CEP112: variants seen among roughly 807,000 people sequenced by gnomAD.
CEP112 encodes centrosomal protein of 112 kDa.
Under a neutral mutation model 153.0 loss-of-function variants are expected in CEP112, and 127 were observed. The ratio of observed to expected loss-of-function variants is 0.83; its 90% CI spans 0.72 to 0.96. The LOEUF (loss-of-function observed/expected upper bound fraction) is 0.96. Ranked by LOEUF, CEP112 falls within the 40% of genes least tolerant of loss-of-function variation. The pLI, the probability that CEP112 is intolerant of heterozygous loss-of-function variation, is 0.00. For synonymous variants in CEP112, 358 were observed against 374.4 expected, an observed-to-expected ratio of 0.96 and a Z score of 0.51; for missense variants, 1,089 against 1,101.2, an observed-to-expected ratio of 0.99 and a Z score of 0.16.
At chr17:65,835,997 G>C (rs991606249) in intron 21 of CEP112, among the ~76,000 whole-genome samples, 1 of 152,146 alleles carries the variant, frequency 6.6e-6, no homozygotes, top group African/African-American at 2.4e-5. Context: ...TTAAAGTGCA[G>C]TTTTTTTCTT....
chr17:66,184,080 C>G (rs922011492), intron 1 of CEP112, among the ~76,000 whole-genome samples: 4 of 151,814 alleles, frequency 2.6e-5, no homozygotes, highest in Non-Finnish European at 4.4e-5. Context: ...GAGACCCCAT[C>G]TCTACAAAAC....
chr17:66,014,497 C>T (rs752999188), intron 16 of CEP112, among the ~76,000 whole-genome samples: 9 of 152,294 alleles, frequency 5.9e-5, no homozygotes, highest in East Asian at 1.9e-4. Context: ...TGGGCATCCC[C>T]GGCCATGCCC....
chr17:66,018,705 T>C (rs1208432312), intron 16 of CEP112, among the ~76,000 whole-genome samples: 1 of 152,216 alleles, frequency 6.6e-6, no homozygotes, highest in East Asian at 1.9e-4. Flanking sequence ...AAAGCGTGCA[T>C]GATTGCTAGG....
At chr17:65,954,755 G>A (rs2061949014) in intron 18 of CEP112, among the ~76,000 whole-genome samples, 2 of 151,920 alleles carry the variant, frequency 1.3e-5, no homozygotes, top group Non-Finnish European at 2.9e-5. Flanking sequence ...ACAAGCAGAA[G>A]AAAGAACCTC....
chr17:65,701,200 A>T (rs564108826), intron 23 of CEP112, among the ~76,000 whole-genome samples: 19 of 152,304 alleles, frequency 1.2e-4, no homozygotes, highest in African/African-American at 4.3e-4. Flanking sequence ...CCGGGATGGC[A>T]GCAGAGCCAC....
intron 23 of CEP112, among the ~76,000 whole-genome samples, chr17:65,699,709 C>A (rs1309417133): frequency 6.6e-6 from 1 of 152,072 alleles, no homozygotes; most frequent in African/African-American, 2.4e-5. Flanking sequence ...CACCCTATAG[C>A]CTGGAACTCC....
intron 16 of CEP112, among the ~76,000 whole-genome samples, chr17:66,011,517 T>C (rs1337057196): frequency 6.6e-6 from 1 of 152,182 alleles, no homozygotes; most frequent in Non-Finnish European, 1.5e-5. Context: ...TTCCATGTAA[T>C]TATATGGCTG....
intron 20 of CEP112, among the ~76,000 whole-genome samples, chr17:65,889,683 T>C (rs1424084006): frequency 6.6e-6 from 1 of 152,164 alleles, no homozygotes; most frequent in Non-Finnish European, 1.5e-5. Flanking sequence ...TTATTTTCAA[T>C]AGAGATGGAG....
At chr17:66,030,503 T>C (rs2065418729) in intron 12 of CEP112, among the ~76,000 whole-genome samples, 1 of 152,216 alleles carries the variant, frequency 6.6e-6, no homozygotes. Flanking sequence ...GGTGTTCACA[T>C]AAGTGATACA....
At position 65,821,493 on chromosome 17, in the gene CEP112, TA is replaced by T. The variant is rs1568066434; in HGVS notation, c.2394+30310del. Among the ~76,000 whole-genome samples the T allele has an allele frequency of 2.6e-4, 34 of 130,636 alleles. No homozygotes were observed. The East Asian group carries it at 5.0e-3, about 19-fold the overall frequency. 85.7% of individuals were successfully genotyped at this position (130,636 alleles called of 152,430 possible). A position where few individuals can be genotyped will look rare whatever the true frequency, so the allele number is the denominator to read the frequency against. ...TATCAAATTATTAAACTTATATATATAATTATATATATATATATAATTATAT... is the reference window on the plus strand; with the variant it reads ...TATCAAATTATTAAACTTATATATATATTATATATATATATATAATTATAT... On this transcript the variant is annotated intron_variant, in intron 21 of 26. Coordinates refer to ENST00000535342, the MANE Select transcript of CEP112 (RefSeq NM_001199165.4).
At chr17:65,830,801 G>C (rs771964955) in intron 21 of CEP112, among the ~76,000 whole-genome samples, 1 of 152,226 alleles carries the variant, frequency 6.6e-6, no homozygotes, top group Non-Finnish European at 1.5e-5. Context: ...TGGCAGGTCA[G>C]CAAGGTAGTT....
At position 66,027,501 on chromosome 17, in the gene CEP112, CT is replaced by C. The variant is rs754269394; in HGVS notation, c.1655del (p.Lys552ArgfsTer27). 5.2e-6 allele frequency: 7 copies of C among 1,342,362 alleles called. No homozygotes were observed. Among genetic ancestry groups the C allele is most frequent in the Admixed American group, 2.9e-5 (1 of 33,910 alleles). The allele number at this position is 1,342,362 out of a possible 1,614,324, so 83.2% of individuals were successfully genotyped here. On this transcript the variant is annotated frameshift_variant and splice_region_variant, in exon 16 of 27. Coordinates refer to ENST00000535342, the MANE Select transcript of CEP112 (RefSeq NM_001199165.4). LOFTEE classifies it high-confidence loss of function. ...KSHLKHIYEK[K>X]AHDLQSELDK... ...TTATAGCTTCCATAAAACATATTAC[CT>C]TTTTTTCATAGATGTGTTTTAAATG... is the stretch of plus-strand genomic sequence containing the variant.
At chr17:65,671,224 G>A (rs2046964666) in intron 24 of CEP112, among the ~76,000 whole-genome samples, 1 of 152,130 alleles carries the variant, frequency 6.6e-6, no homozygotes, top group Non-Finnish European at 1.5e-5. Flanking sequence ...TCATACCACA[G>A]GGTGACATCA....
intron 5 of CEP112, among the ~76,000 whole-genome samples, chr17:66,132,338 A>G (rs2070223875): frequency 6.6e-6 from 1 of 152,142 alleles, no homozygotes; most frequent in South Asian, 2.1e-4. Flanking sequence ...CTTCACTACA[A>G]GTTAATTCCA....
intron 4 of CEP112, among the ~76,000 whole-genome samples, chr17:66,146,119 T>C (rs1213579456): frequency 6.6e-6 from 1 of 152,080 alleles, no homozygotes; most frequent in African/African-American, 2.4e-5. Context: ...AGAGTAATAC[T>C]GACCTAACAA....
At chr17:65,785,426 CTCACCAGCAAAGTATGAAGG>C (rs981611689) in intron 21 of CEP112, among the ~76,000 whole-genome samples, 1 of 152,214 alleles carries the variant, frequency 6.6e-6, no homozygotes, top group African/African-American at 2.4e-5. Context: ...ATTTTACAAT[CTCACCAGCAAAGTATGAAGG>C]TTCTAATTTC....
At chr17:65,794,960 T>C (rs2145762526) in intron 21 of CEP112, among the ~76,000 whole-genome samples, 1 of 152,356 alleles carries the variant, frequency 6.6e-6, no homozygotes, top group Non-Finnish European at 1.5e-5. Flanking sequence ...ATATTCCAAG[T>C]ACATGGAACA....
chr17:66,085,840 G>A (rs2067904074), intron 8 of CEP112, among the ~76,000 whole-genome samples: 1 of 152,106 alleles, frequency 6.6e-6, no homozygotes, highest in Non-Finnish European at 1.5e-5. Context: ...AGCCGGGCAT[G>A]GTGGCGCACA....
chr17:65,781,273 C>T (rs988925274), intron 21 of CEP112, among the ~76,000 whole-genome samples: 1 of 152,008 alleles, frequency 6.6e-6, no homozygotes, highest in African/African-American at 2.4e-5. Context: ...ACGATAGCTA[C>T]ATACTCACAA....
Sources: gnomAD v4.1 joint callset for allele counts (sites outside exome capture counted in the v4.1 genomes callset) on GRCh38, gnomAD v4.1.1 for gene constraint, MANE v1.5 for transcripts, NCBI Gene and HGNC (gene_info 2026-07-23, HGNC 2026-07-21) for gene names.